The following ADGRL2 variants were observed in gnomAD, a reference collection of about 807,000 sequenced individuals.
The protein encoded by ADGRL2 is adhesion G protein-coupled receptor L2, also known as calcium-independent alpha-latrotoxin receptor 2.
In ADGRL2, 44 loss-of-function variants were observed where a neutral mutation model predicts 157.4. That is an observed-to-expected ratio of 0.28 (90% CI 0.22 to 0.36). The LOEUF (loss-of-function observed/expected upper bound fraction) is 0.36, where lower values mean the gene tolerates loss of function less well. ADGRL2 is among the 10% of genes least tolerant of loss of function. The pLI, the probability that ADGRL2 is intolerant of heterozygous loss-of-function variation, is 1.00. For missense variants in ADGRL2, 1,510 were observed against 1,768.9 expected (o/e 0.85, Z 2.63); for synonymous variants, 585 against 624.7 (o/e 0.94, Z 0.95).
At chr1:81,721,704 G>T (rs2084328774) in intron 1 of ADGRL2, 8 of 1,366,524 alleles carry the variant, frequency 5.9e-6, no homozygotes, top group Middle Eastern at 5.0e-4. Flanking sequence ...TGGACCCCCC[G>T]CAAAGTGAAC....
chr1:81,519,040 T>C (rs1047645407), intron 2 of ADGRL2, among the ~76,000 whole-genome samples: 1 of 152,182 alleles, frequency 6.6e-6, no homozygotes, highest in African/African-American at 2.4e-5. Flanking sequence ...AGGTGGGTCA[T>C]TTTTATTAGG....
intron 2 of ADGRL2, among the ~76,000 whole-genome samples, chr1:81,763,776 G>A (rs1221557944): frequency 6.6e-6 from 1 of 152,028 alleles, no homozygotes; most frequent in Non-Finnish European, 1.5e-5. Flanking sequence ...GGAGACGGAG[G>A]CGGGCGGATT....
chr1:81,748,306 G>A (rs1020603671), intron 1 of ADGRL2, among the ~76,000 whole-genome samples: 38 of 151,656 alleles, frequency 2.5e-4, no homozygotes, highest in African/African-American at 8.5e-4. Flanking sequence ...GGGAAATCCC[G>A]TCTCTACTAA....
At chr1:81,560,408 A>T (rs1297280025) in intron 2 of ADGRL2, among the ~76,000 whole-genome samples, 1 of 152,220 alleles carries the variant, frequency 6.6e-6, no homozygotes, top group Non-Finnish European at 1.5e-5. Context: ...TGAGGACTAA[A>T]TGAGTTAATA....
chr1:81,672,148 C>T (rs533156809), intron 3 of ADGRL2, among the ~76,000 whole-genome samples: 4 of 152,324 alleles, frequency 2.6e-5, no homozygotes, highest in Middle Eastern at 3.4e-3. Flanking sequence ...ATTGGGCTTT[C>T]AAGTGTTGCT....
intron 1 of ADGRL2, chr1:81,426,532 A>G (rs931650885): frequency 1.2e-5 from 5 of 428,916 alleles, no homozygotes; most frequent in Middle Eastern, 1.6e-3. Flanking sequence ...GCAGAGGATC[A>G]TGATCCAAAG....
intron 3 of ADGRL2, among the ~76,000 whole-genome samples, chr1:81,613,936 C>T (rs2081592646): frequency 6.6e-6 from 1 of 152,126 alleles, no homozygotes; most frequent in Admixed American, 6.5e-5. Context: ...TGTTTGCCCT[C>T]ATTTGTGTTT....
intron 1 of ADGRL2, among the ~76,000 whole-genome samples, chr1:81,338,438 G>A (rs568840231): frequency 2.0e-5 from 3 of 151,960 alleles, no homozygotes; most frequent in Admixed American, 6.6e-5. Context: ...CATTTTCTTG[G>A]TATCTAGTCT....
intron 1 of ADGRL2, among the ~76,000 whole-genome samples, chr1:81,356,792 A>G (rs1233410061): frequency 2.6e-5 from 4 of 151,824 alleles, no homozygotes; most frequent in African/African-American, 9.7e-5. Flanking sequence ...TCTCTACTAA[A>G]AATACAAAAA....
chr1:81,923,085 T>G (rs183894235), intron 3 of ADGRL2, among the ~76,000 whole-genome samples: 2 of 152,306 alleles, frequency 1.3e-5, no homozygotes, highest in Admixed American at 1.3e-4. Flanking sequence ...CGAGTTGGTG[T>G]TCAGTTATCA....
At chr1:81,415,535 G>A (rs1410066817) in intron 1 of ADGRL2, among the ~76,000 whole-genome samples, 2 of 152,226 alleles carry the variant, frequency 1.3e-5, no homozygotes, top group African/African-American at 4.8e-5. Flanking sequence ...TACCACTGCA[G>A]TTCATAATGA....
chr1:81,829,283 A>C (rs1018732737), intron 1 of ADGRL2, among the ~76,000 whole-genome samples: 13 of 152,194 alleles, frequency 8.5e-5, no homozygotes, highest in African/African-American at 3.1e-4. Context: ...TATTCTGTTC[A>C]TTCACTTAGA....
At chr1:81,631,985 C>G (rs562590228) in intron 3 of ADGRL2, among the ~76,000 whole-genome samples, 1 of 152,150 alleles carries the variant, frequency 6.6e-6, no homozygotes, top group African/African-American at 2.4e-5. Flanking sequence ...TTTCTCCTGC[C>G]CATCAAATAT....
At chr1:81,375,993 A>G (rs1005804103) in intron 1 of ADGRL2, among the ~76,000 whole-genome samples, 1 of 152,196 alleles carries the variant, frequency 6.6e-6, no homozygotes, top group African/African-American at 2.4e-5. Flanking sequence ...AATTTTTAAA[A>G]CACAAATCCA....
intron 1 of ADGRL2, among the ~76,000 whole-genome samples, chr1:81,761,254 G>A (rs971736225): frequency 2.6e-5 from 4 of 151,612 alleles, no homozygotes; most frequent in African/African-American, 9.7e-5. Context: ...AATTTCTAAA[G>A]GTCTGAAATA....
chr1:81,700,782 A>C (rs1488206401), intron 1 of ADGRL2, among the ~76,000 whole-genome samples: 3 of 152,228 alleles, frequency 2.0e-5, no homozygotes, highest in Non-Finnish European at 4.4e-5. Context: ...ATATTGCCGG[A>C]TTCACAATTG....
At position 81,836,971 on chromosome 1, in the gene ADGRL2, TA is replaced by T; in HGVS notation, c.-11del. The T allele has an allele frequency of 1.3e-6, 2 of 1,547,528 alleles. No individual in the cohort carries two copies. The highest frequency in any genetic ancestry group is 1.8e-6 in the Non-Finnish European group (2 of 1,136,846). The stretch of plus-strand genomic sequence containing the variant: ...CATTAAGGAATACAAAGAAAATACT[TA>T]AAGGGATCAATAATGGTGTCTTCTG... On this transcript the variant is annotated 5_prime_UTR_variant, in exon 2 of 24. Transcript: ENST00000686636.
At chr1:81,372,879 T>G (rs761529953) in intron 1 of ADGRL2, among the ~76,000 whole-genome samples, 3 of 152,218 alleles carry the variant, frequency 2.0e-5, no homozygotes, top group Non-Finnish European at 4.4e-5. Flanking sequence ...GGCAACAGCT[T>G]AGTATAGAAC....
intron 2 of ADGRL2, among the ~76,000 whole-genome samples, chr1:81,768,033 T>A (rs2086204333): frequency 6.6e-6 from 1 of 152,106 alleles, no homozygotes; most frequent in African/African-American, 2.4e-5. Flanking sequence ...TATTGTAAGA[T>A]ACTTAAATGT....
Sources: allele counts gnomAD v4.1 joint callset (sites outside exome capture counted in the v4.1 genomes callset), GRCh38; gene constraint gnomAD v4.1.1; transcripts MANE v1.5; gene names NCBI Gene and HGNC (gene_info 2026-07-23, HGNC 2026-07-21).